The following ZDHHC23 variants were observed in gnomAD, a reference collection of about 807,000 sequenced individuals.
ZDHHC23 encodes the protein palmitoyltransferase ZDHHC23.
A neutral mutation model predicts 40.2 loss-of-function variants in ZDHHC23; 41 were observed. That is an observed-to-expected ratio of 1.02 (90% confidence interval 0.79 to 1.32). The LOEUF is 1.32. Ranked by LOEUF, ZDHHC23 falls within the 40% of genes most tolerant of loss-of-function variation. The pLI is 0.00. For synonymous variants in ZDHHC23, 204 were observed against 210.2 expected (o/e 0.97, Z 0.26); for missense variants, 471 against 541.5 (o/e 0.87, Z 1.29).
Position 113,960,221 on chromosome 3 carries a change from G to A in ZDHHC23, c.*1591G>A. 1 of 995,896 alleles carries A rather than the reference G, an allele frequency of 1.0e-6. No individual in the cohort carries two copies. Among genetic ancestry groups the A allele is most frequent in the Non-Finnish European group, 1.2e-6 (1 of 836,544 alleles). 61.7% of individuals were successfully genotyped at this position (995,896 alleles called of 1,614,324 possible). A position where few individuals can be genotyped will look rare whatever the true frequency, so the allele number is the denominator to read the frequency against. Reference sequence around the variant, plus strand: ...TGCAGCCAGCACCGTCCCTACTGTTGCCATTAATTGGAGCTGTCCTTAAGA... The same window carrying A: ...TGCAGCCAGCACCGTCCCTACTGTTACCATTAATTGGAGCTGTCCTTAAGA... On this transcript the variant is annotated 3_prime_UTR_variant, in exon 5 of 5. Coordinates refer to ENST00000638807, the MANE Select transcript of ZDHHC23 (RefSeq NM_001320466.2).
At chr3:113,951,048 C>T (rs943938307) in intron 2 of ZDHHC23, among the ~76,000 whole-genome samples, 37 of 152,190 alleles carry the variant, frequency 2.4e-4, no homozygotes, top group African/African-American at 5.8e-4. Context: ...TGGGTGTCCC[C>T]GCCACCACAG....
downstream of ZDHHC23, chr3:113,965,234 TG>T (rs892956920): frequency 8.7e-6 from 14 of 1,611,500 alleles, no homozygotes; most frequent in Admixed American, 1.0e-4. Context: ...TCCAGGTACC[TG>T]GAAGTCTGGA....
At chr3:113,957,834 C>T (rs60238096) in intron 4 of ZDHHC23, 5,514 of 518,518 alleles carry the variant, frequency 0.011, 257 homozygotes, top group African/African-American at 0.095. Context: ...TGGAATGTCT[C>T]GGTGTTCCTA....
chr3:113,967,061 G>A (rs1263458363), downstream of ZDHHC23, among the ~76,000 whole-genome samples: 1 of 152,002 alleles, frequency 6.6e-6, no homozygotes, highest in Non-Finnish European at 1.5e-5. Flanking sequence ...ATCAAGCCAT[G>A]GCATTCCAGC....
downstream of ZDHHC23, among the ~76,000 whole-genome samples, chr3:113,968,495 C>T (rs1489980578): frequency 6.6e-6 from 1 of 151,824 alleles, no homozygotes; most frequent in Non-Finnish European, 1.5e-5. Context: ...GTCGCCCAGG[C>T]TGGACTGTAG....
the ZDHHC23 span, among the ~76,000 whole-genome samples, chr3:113,977,416 A>G: frequency 1.3e-5 from 2 of 152,242 alleles, no homozygotes; most frequent in Non-Finnish European, 2.9e-5. Context: ...AGGGAAGTGC[A>G]TAATGAAATT....
chr3:113,964,533 C>T (rs1939919902), downstream of ZDHHC23: 1 of 152,166 alleles, frequency 6.6e-6, no homozygotes, highest in African/African-American at 2.4e-5. Context: ...AGAGCTATTA[C>T]CTTTTGGAAT....
rs1939723343 is a variant in ZDHHC23 at position 113,962,109 on chromosome 3, T to G, written c.*3479T>G. 6.6e-6 allele frequency: 1 copy of G among 152,542 alleles called. No homozygotes were observed. Among genetic ancestry groups the G allele is most frequent in the Non-Finnish European group, 1.5e-5 (1 of 68,024 alleles). The allele number at this position is 152,542 out of a possible 1,614,324, so 9.4% of individuals were successfully genotyped here. Reference sequence around the variant, plus strand: ...TAAGAGACTTTTCCTGAGGCACCTGTTTGGAATCTGGTTTTCTCAGCGGCA... The same window carrying G: ...TAAGAGACTTTTCCTGAGGCACCTGGTTGGAATCTGGTTTTCTCAGCGGCA... On this transcript the variant is annotated 3_prime_UTR_variant, in exon 5 of 5. Transcript: ENST00000638807.
chr3:113,965,376 G>C, downstream of ZDHHC23: 2 of 1,493,036 alleles, frequency 1.3e-6, no homozygotes, highest in Non-Finnish European at 9.0e-7. Flanking sequence ...GAATAAAGAA[G>C]GAAAAAAGTG....
the ZDHHC23 span, among the ~76,000 whole-genome samples, chr3:113,971,098 G>T: frequency 6.6e-6 from 1 of 152,164 alleles, no homozygotes; most frequent in Non-Finnish European, 1.5e-5. Context: ...GGATGGGTGG[G>T]TCAAATGGTA....
At chr3:113,974,955 AAT>A in the ZDHHC23 span, among the ~76,000 whole-genome samples, 1 of 152,116 alleles carries the variant, frequency 6.6e-6, no homozygotes, top group African/African-American at 2.4e-5. Context: ...ATGCTTGGTA[AAT>A]ATGTCTTGAT....
chr3:113,976,257 T>G, the ZDHHC23 span, among the ~76,000 whole-genome samples: 1 of 150,604 alleles, frequency 6.6e-6, no homozygotes, highest in African/African-American at 2.4e-5. Flanking sequence ...AGACTTTGTC[T>G]CAGGGTAAAA....
In ZDHHC23 at chr3:113,963,269, C is replaced by T. The variant is rs574440699; in HGVS notation, c.*4639C>T. 3.1e-4 allele frequency: 47 copies of T among 152,136 alleles called. No individual in the cohort carries two copies. The highest frequency in any genetic ancestry group is 1.0e-3 in the African/African-American group (42 of 41,514). 9.4% of individuals were successfully genotyped at this position (152,136 alleles called of 1,614,324 possible). ...GTATCTCTTTAGAAGGCTCTGTATTCGGTAAAAAGTCTAGCTGGCGCCATT... is the reference window on the plus strand; with the variant it reads ...GTATCTCTTTAGAAGGCTCTGTATTTGGTAAAAAGTCTAGCTGGCGCCATT... On this transcript the variant is annotated 3_prime_UTR_variant, in exon 5 of 5. Transcript: ENST00000638807.
At position 113,954,322 on chromosome 3, in the gene ZDHHC23, G is replaced by A; in HGVS notation, c.784G>A (p.Ala262Thr). The change falls in exon 3 of 5, where the codon GCC (alanine) becomes ACC (threonine). Residue 262 changes from alanine to threonine, a missense_variant. Ala to Thr is a moderately conservative substitution (Grantham distance 58). Around this residue, in one of 3 missense-constraint regions of ZDHHC23, gnomAD observed 346 missense variants for 399.8 expected, o/e 0.87. Coordinates refer to ENST00000638807, the MANE Select transcript of ZDHHC23 (RefSeq NM_001320466.2). ...CACCAAAGCGAAGGAGGACTGGTGT[G>A]CCAAGTGCCAGCTGGTGCGACCAGC... ...SPTKAKEDWCAKCQLVRPARA... is the reference protein window; with the variant it reads ...SPTKAKEDWCTKCQLVRPARA... 1 of 1,614,142 alleles carries A rather than the reference G, an allele frequency of 6.2e-7. No individual in the cohort carries two copies. The highest frequency in any genetic ancestry group is 1.3e-5 in the African/African-American group (1 of 75,060).
the ZDHHC23 span, among the ~76,000 whole-genome samples, chr3:113,974,174 T>C: frequency 6.6e-6 from 1 of 152,154 alleles, no homozygotes; most frequent in African/African-American, 2.4e-5. Context: ...GAATTGCTTT[T>C]CTTTGTTATC....
rs117280118 is a variant in ZDHHC23 at position 113,951,679 on chromosome 3, T to G, written c.162-2021T>G. 1.4e-3 allele frequency among the ~76,000 whole-genome samples: 211 copies of G among 152,300 alleles called. 6 individuals are homozygous for G. In the East Asian group the frequency reaches 0.037, roughly 27 times the overall value. ...GGATCTCCGAATGCCTTCAGGGTCC[T>G]TCCATTGTCTTGATGACTGGCACGG... On this transcript the variant is annotated intron_variant, in intron 2 of 4. Transcript: ENST00000638807.
rs964243906 is a variant in ZDHHC23 at position 113,959,159 on chromosome 3, A to G, written c.*529A>G. 4.8e-5 allele frequency: 51 copies of G among 1,058,788 alleles called. No homozygotes were observed. The highest frequency in any genetic ancestry group is 5.6e-5 in the Non-Finnish European group (49 of 867,256). The allele number at this position is 1,058,788 out of a possible 1,614,324, so 65.6% of individuals were successfully genotyped here. On this transcript the variant is annotated 3_prime_UTR_variant, in exon 5 of 5. Transcript: ENST00000638807. Reference sequence around the variant, plus strand: ...ACAACTCAAGAGCCATGGAAATACAAAGTATTAGGAAAATATTATGATGGA... The same window carrying G: ...ACAACTCAAGAGCCATGGAAATACAGAGTATTAGGAAAATATTATGATGGA...
the ZDHHC23 span, among the ~76,000 whole-genome samples, chr3:113,970,556 G>A: frequency 2.6e-5 from 4 of 151,988 alleles, no homozygotes; most frequent in Non-Finnish European, 5.9e-5. Context: ...TTTGGTCCTG[G>A]CCAGGATGTT....
Position 113,958,479 on chromosome 3 carries a change from A to G in ZDHHC23, c.1157A>G (p.Gln386Arg). ...ISYNVTEREV[Q>R]QALRQKTGRR... Reference sequence around the variant, plus strand: ...TACAATGTGACTGAGCGGGAAGTCCAGCAGGCCCTCCGACAGAAGACTGGG... The same window carrying G: ...TACAATGTGACTGAGCGGGAAGTCCGGCAGGCCCTCCGACAGAAGACTGGG... Residue 386 changes from glutamine to arginine, a missense_variant, in exon 5 of 5, where the codon CAG (glutamine) becomes CGG (arginine). By Grantham distance (43) the Gln-to-Arg change is conservative. Around this residue, in one of 3 missense-constraint regions of ZDHHC23, gnomAD observed 346 missense variants for 399.8 expected, o/e 0.87. Transcript: ENST00000638807. 7 of 1,614,146 alleles carry G rather than the reference A, an allele frequency of 4.3e-6. No individual in the cohort carries two copies. The highest frequency in any genetic ancestry group is 5.9e-6 in the Non-Finnish European group (7 of 1,180,028).
Sources: allele counts gnomAD v4.1 joint callset (sites outside exome capture counted in the v4.1 genomes callset), GRCh38; gene constraint gnomAD v4.1.1; regional missense constraint gnomAD v4.1.1; transcripts MANE v1.5; gene names NCBI Gene and HGNC (gene_info 2026-07-23, HGNC 2026-07-21).